The following SCEL variants were observed in gnomAD, a reference collection of about 807,000 sequenced individuals.
SCEL encodes the protein sciellin.
In SCEL, 113 loss-of-function variants were observed where a neutral mutation model predicts 117.6. The ratio of observed to expected loss-of-function variants is 0.96; its 90% CI spans 0.83 to 1.12. The LOEUF is 1.12. Ranked by LOEUF, SCEL falls within the 50% of genes most tolerant of loss-of-function variation. SCEL has a pLI of 0.00. For synonymous variants in SCEL, 270 were observed against 256.2 expected, an observed-to-expected ratio of 1.05 and a Z score of -0.51; for missense variants, 785 against 810.8, an observed-to-expected ratio of 0.97 and a Z score of 0.39.
intron 9 of SCEL, among the ~76,000 whole-genome samples, chr13:77,577,064 G>T (rs1258903158): frequency 6.6e-6 from 1 of 152,028 alleles, no homozygotes; most frequent in Non-Finnish European, 1.5e-5. Flanking sequence ...TCTAGATATA[G>T]GATCATGTCA....
rs2090724457 is a variant in SCEL at position 77,645,023 on chromosome 13, T to C, written c.*749T>C. On this transcript the variant is annotated 3_prime_UTR_variant, in exon 33 of 33. Transcript: ENST00000349847. ...CAGACTTAGTGTTTGAAAACTGTGTTTTAAAAACAGAAACAGATTGATGGG... is the reference window on the plus strand; with the variant it reads ...CAGACTTAGTGTTTGAAAACTGTGTCTTAAAAACAGAAACAGATTGATGGG... The C allele has an allele frequency of 6.6e-6, 1 of 152,096 alleles. No individual in the cohort carries two copies. 9.4% of individuals were successfully genotyped at this position (152,096 alleles called of 1,614,324 possible).
chr13:77,629,692 C>T (rs1594175316), intron 28 of SCEL, among the ~76,000 whole-genome samples: 1 of 152,124 alleles, frequency 6.6e-6, no homozygotes, highest in Non-Finnish European at 1.5e-5. Context: ...ATTTATTTAA[C>T]CTGTGATCGG....
chr13:77,629,997 A>T (rs1421469860), intron 28 of SCEL, among the ~76,000 whole-genome samples: 1 of 152,178 alleles, frequency 6.6e-6, no homozygotes, highest in Non-Finnish European at 1.5e-5. Flanking sequence ...TTTTACATAG[A>T]AAGAAAGGTG....
intron 1 of SCEL, among the ~76,000 whole-genome samples, chr13:77,549,782 T>A (rs535297207): frequency 6.6e-6 from 1 of 152,280 alleles, no homozygotes; most frequent in East Asian, 1.9e-4. Flanking sequence ...CAATTATGAA[T>A]GATCCACGGG....
At chr13:77,602,228 T>C (rs1013893241) in intron 16 of SCEL, 104 bp downstream of exon 16, 1 of 898,630 alleles carries the variant, frequency 1.1e-6, no homozygotes, top group Non-Finnish European at 1.7e-6. Flanking sequence ...AGTGAACTCT[T>C]GTACTGCTTT....
Position 77,644,455 on chromosome 13 carries a change from A to G in SCEL, c.*181A>G, listed in dbSNP as rs1001946850. 1 of 603,812 alleles carries G rather than the reference A, an allele frequency of 1.7e-6. No individual in the cohort carries two copies. Among genetic ancestry groups the G allele is most frequent in the South Asian group, 2.2e-5 (1 of 46,506 alleles). The allele number at this position is 603,812 out of a possible 1,614,324, so 37.4% of individuals were successfully genotyped here. On this transcript the variant is annotated 3_prime_UTR_variant, in exon 33 of 33. Transcript: ENST00000349847. ...CTTCAATAAGGTCACACACATAAAAAGAGCCATCTGGTCTCTGGCTAGAGT... is the reference window on the plus strand; with the variant it reads ...CTTCAATAAGGTCACACACATAAAAGGAGCCATCTGGTCTCTGGCTAGAGT...
At position 77,637,123 on chromosome 13, in the gene SCEL, A is replaced by G; in HGVS notation, c.1767A>G (p.Lys589=). 2 of 1,532,484 alleles carry G rather than the reference A, an allele frequency of 1.3e-6. No homozygotes were observed. The highest frequency in any genetic ancestry group is 1.9e-5 in the Admixed American group (1 of 51,458). The allele number at this position is 1,532,484 out of a possible 1,614,324, so 94.9% of individuals were successfully genotyped here. ...VYTRTYVENS[K]SPKDGYQENI... is the part of the protein sequence containing the mutation. ...TGTCCATATATTTTGTTCCTAGTAA[A>G]TCACCCAAGGATGGATATCAGGAGA... Residue 589 remains lysine (K), a synonymous_variant, in exon 30 of 33, where the codon AAA becomes AAG. Transcript: ENST00000349847.
intron 9 of SCEL, among the ~76,000 whole-genome samples, chr13:77,580,373 T>G (rs1447607946): frequency 6.6e-6 from 1 of 152,158 alleles, no homozygotes; most frequent in Non-Finnish European, 1.5e-5. Flanking sequence ...TTTTGAGACT[T>G]TTAAAAGAGT....
At chr13:77,555,600 C>T (rs1047690659) in intron 1 of SCEL, among the ~76,000 whole-genome samples, 2 of 152,200 alleles carry the variant, frequency 1.3e-5, no homozygotes, top group East Asian at 1.9e-4. Context: ...TCACTGATGG[C>T]CTGATTCTAC....
At chr13:77,552,246 T>A (rs1672633562) in intron 1 of SCEL, among the ~76,000 whole-genome samples, 1 of 148,794 alleles carries the variant, frequency 6.7e-6, no homozygotes, top group Non-Finnish European at 1.5e-5. Context: ...TATTTCTAGT[T>A]CTAGATCCCT....
chr13:77,619,396 T>G (rs946904899), intron 27 of SCEL, among the ~76,000 whole-genome samples: 7 of 152,166 alleles, frequency 4.6e-5, no homozygotes, highest in African/African-American at 1.4e-4. Context: ...CTAAATAACC[T>G]TTTCAAGAAA....
At chr13:77,623,734 T>C (rs2089553271) in intron 27 of SCEL, among the ~76,000 whole-genome samples, 2 of 152,080 alleles carry the variant, frequency 1.3e-5, no homozygotes, top group South Asian at 4.2e-4. Context: ...AAAACTAAGG[T>C]ACAAAGAGGT....
At chr13:77,537,568 T>C (rs76874208) in intron 1 of SCEL, among the ~76,000 whole-genome samples, 1 of 152,298 alleles carries the variant, frequency 6.6e-6, no homozygotes, top group African/African-American at 2.4e-5. Context: ...GTTTATTATA[T>C]TTATGAGATT....
chr13:77,540,493 A>G (rs541482035), intron 1 of SCEL, among the ~76,000 whole-genome samples: 17 of 152,314 alleles, frequency 1.1e-4, no homozygotes, highest in African/African-American at 4.1e-4. Flanking sequence ...GAGTGGGGCA[A>G]GTGGCGATGG....
chr13:77,627,073 C>T (rs1474900289), intron 27 of SCEL, among the ~76,000 whole-genome samples: 1 of 152,116 alleles, frequency 6.6e-6, no homozygotes, highest in East Asian at 1.9e-4. Context: ...CAAATTACTC[C>T]ATTTCTTCCC....
At chr13:77,631,413 G>A (rs546375496) in intron 28 of SCEL, among the ~76,000 whole-genome samples, 1 of 152,292 alleles carries the variant, frequency 6.6e-6, no homozygotes, top group South Asian at 2.1e-4. Flanking sequence ...ATGTAGATAT[G>A]ATATCCTGGA....
intron 3 of SCEL, among the ~76,000 whole-genome samples, chr13:77,558,050 A>G (rs1247770302): frequency 2.6e-5 from 4 of 152,246 alleles, no homozygotes; most frequent in Non-Finnish European, 5.9e-5. Context: ...TCCATGAAAC[A>G]GCATTTATTG....
At chr13:77,618,467 C>T (rs1056882904) in intron 27 of SCEL, among the ~76,000 whole-genome samples, 3 of 152,112 alleles carry the variant, frequency 2.0e-5, no homozygotes, top group Admixed American at 2.0e-4. Flanking sequence ...CAGGCATGAA[C>T]CACTCCTTCC....
intron 2 of SCEL, among the ~76,000 whole-genome samples, chr13:77,556,209 A>T (rs1184702268): frequency 6.6e-6 from 1 of 152,136 alleles, no homozygotes; most frequent in Non-Finnish European, 1.5e-5. Flanking sequence ...AATGACCAGG[A>T]CTTATTGACT....
Sources: gnomAD v4.1 joint callset for allele counts (sites outside exome capture counted in the v4.1 genomes callset) on GRCh38, gnomAD v4.1.1 for gene constraint, MANE v1.5 for transcripts, NCBI Gene and HGNC (gene_info 2026-07-23, HGNC 2026-07-21) for gene names.